SLC24A2: variants seen among roughly 807,000 people sequenced by gnomAD.
SLC24A2 encodes the protein sodium/potassium/calcium exchanger 2.
In SLC24A2, 36 loss-of-function variants were observed where a neutral mutation model predicts 62.0. That is an observed-to-expected ratio of 0.58 (90% CI 0.44 to 0.77). The LOEUF (loss-of-function observed/expected upper bound fraction) is 0.77, where lower values mean the gene tolerates loss of function less well. SLC24A2 is among the 30% of genes least tolerant of loss of function. SLC24A2 has a pLI of 0.00. For synonymous variants in SLC24A2, 358 were observed against 294.0 expected (o/e 1.22, Z -2.23); for missense variants, 846 against 817.9 (o/e 1.03, Z -0.42).
chr9:20,293,829 T>C, the SLC24A2 span, among the ~76,000 whole-genome samples: 6 of 152,152 alleles, frequency 3.9e-5, no homozygotes, highest in African/African-American at 1.2e-4. Context: ...TTTAGTACAA[T>C]GTCCACTCCC....
Position 19,561,700 on chromosome 9 carries a change from G to A in SLC24A2, c.1348-11432C>T, listed in dbSNP as rs192244171. Among the ~76,000 whole-genome samples, 45 of 152,264 alleles carry A rather than the reference G, an allele frequency of 3.0e-4. No individual in the cohort carries two copies. In the Middle Eastern group the frequency reaches 0.017, roughly 58 times the overall value. ...CTGCCTCGGCCTCCCAAAGTGCTGG[G>A]ATTACAGGCGTGAGCCACTGCTCCT... is the stretch of plus-strand genomic sequence containing the variant. On this transcript the variant is annotated intron_variant, in intron 7 of 10. Transcript: ENST00000341998.
the SLC24A2 span, among the ~76,000 whole-genome samples, chr9:20,127,371 A>G: frequency 3.9e-5 from 6 of 152,170 alleles, no homozygotes; most frequent in African/African-American, 1.2e-4. Flanking sequence ...TCATTTTTAT[A>G]TTAAGGCAAT....
At chr9:19,587,613 C>G (rs1437356323) in intron 5 of SLC24A2, among the ~76,000 whole-genome samples, 1 of 151,924 alleles carries the variant, frequency 6.6e-6, no homozygotes, top group African/African-American at 2.4e-5. Flanking sequence ...ACTTACCATG[C>G]CTAATTGAAC....
At chr9:19,975,608 T>C in the SLC24A2 span, among the ~76,000 whole-genome samples, 1 of 152,244 alleles carries the variant, frequency 6.6e-6, no homozygotes, top group Non-Finnish European at 1.5e-5. Context: ...GCCAGGCGTA[T>C]AGTAGGCATC....
intron 1 of SLC24A2, among the ~76,000 whole-genome samples, chr9:19,787,389 C>T (rs1564102075): frequency 6.6e-6 from 1 of 152,176 alleles, no homozygotes; most frequent in Non-Finnish European, 1.5e-5. Flanking sequence ...CATGTAATAA[C>T]CTTCCAGTGC....
chr9:19,921,080 G>C, the SLC24A2 span, among the ~76,000 whole-genome samples: 1 of 131,178 alleles, frequency 7.6e-6, no homozygotes, highest in Admixed American at 8.2e-5. Flanking sequence ...AATTATTATG[G>C]GGGGGGGGTG....
intron 2 of SLC24A2, among the ~76,000 whole-genome samples, chr9:19,703,318 G>A (rs1206490755): frequency 6.6e-6 from 1 of 152,136 alleles, no homozygotes; most frequent in Non-Finnish European, 1.5e-5. Flanking sequence ...TGGCAGAGCT[G>A]GGCTTCAAAC....
intron 7 of SLC24A2, among the ~76,000 whole-genome samples, chr9:19,559,683 T>C (rs1254758715): frequency 1.3e-5 from 2 of 152,170 alleles, no homozygotes; most frequent in African/African-American, 2.4e-5. Flanking sequence ...AAACATTCCA[T>C]AGAACACTCT....
the SLC24A2 span, among the ~76,000 whole-genome samples, chr9:20,006,119 G>A: frequency 1.3e-5 from 2 of 151,312 alleles, no homozygotes; most frequent in Non-Finnish European, 2.9e-5. Flanking sequence ...TATACACATA[G>A]TATGTTAATT....
At chr9:20,110,169 A>G in the SLC24A2 span, among the ~76,000 whole-genome samples, 1 of 152,168 alleles carries the variant, frequency 6.6e-6, no homozygotes, top group African/African-American at 2.4e-5. Flanking sequence ...TGGCTTTAAA[A>G]ATGAGCCCTC....
the SLC24A2 span, among the ~76,000 whole-genome samples, chr9:20,248,221 C>T: frequency 1.3e-5 from 2 of 152,128 alleles, no homozygotes; most frequent in Non-Finnish European, 2.9e-5. Flanking sequence ...GCAAGGAACC[C>T]GTATGGGAGC....
At chr9:20,186,206 T>G in the SLC24A2 span, among the ~76,000 whole-genome samples, 7 of 152,166 alleles carry the variant, frequency 4.6e-5, no homozygotes, top group Non-Finnish European at 1.0e-4. Context: ...TCTTGAAAAT[T>G]TGATGTCCAC....
chr9:20,214,195 C>T, the SLC24A2 span, among the ~76,000 whole-genome samples: 1 of 152,122 alleles, frequency 6.6e-6, no homozygotes, highest in African/African-American at 2.4e-5. Flanking sequence ...AGAGTGGCAT[C>T]GTGAGGCGAT....
At chr9:19,760,093 C>T (rs1457168034) in intron 2 of SLC24A2, among the ~76,000 whole-genome samples, 15 of 152,114 alleles carry the variant, frequency 9.9e-5, no homozygotes, top group Non-Finnish European at 7.3e-5. Context: ...TCTGTTGCCT[C>T]CTATTTTATT....
the SLC24A2 span, among the ~76,000 whole-genome samples, chr9:20,080,166 C>T: frequency 6.6e-6 from 1 of 152,286 alleles, no homozygotes; most frequent in Admixed American, 6.5e-5. Flanking sequence ...CCTGCATTGC[C>T]AAGTCAATCC....
chr9:20,079,904 G>T, the SLC24A2 span, among the ~76,000 whole-genome samples: 1 of 152,086 alleles, frequency 6.6e-6, no homozygotes, highest in African/African-American at 2.4e-5. Context: ...AAATACCTAG[G>T]AACACAACTT....
In SLC24A2 at chr9:19,546,805, C is replaced by CT. The variant is rs758828941; in HGVS notation, c.1479+3331dup. On this transcript the variant is annotated intron_variant, in intron 8 of 10. Coordinates refer to ENST00000341998, the MANE Select transcript of SLC24A2 (RefSeq NM_020344.4). Reference sequence around the variant, plus strand: ...GCCCAAATGGCTACTCAGTTTTGTGCTTGAAACCCAGGACACTGGAGGGTA... The same window carrying CT: ...GCCCAAATGGCTACTCAGTTTTGTGCTTTGAAACCCAGGACACTGGAGGGTA... Among the ~76,000 whole-genome samples the CT allele has an allele frequency of 1.1e-4, 16 of 151,854 alleles. 1 individual carries two copies. The East Asian group carries it at 1.4e-3, about 13-fold the overall frequency.
At chr9:20,264,962 C>T in the SLC24A2 span, among the ~76,000 whole-genome samples, 1 of 152,222 alleles carries the variant, frequency 6.6e-6, no homozygotes, top group Non-Finnish European at 1.5e-5. Flanking sequence ...GCAATGAGCA[C>T]AGAGGCCTAT....
At chr9:19,583,490 G>A (rs924925835) in intron 5 of SLC24A2, among the ~76,000 whole-genome samples, 2 of 152,198 alleles carry the variant, frequency 1.3e-5, no homozygotes, top group African/African-American at 4.8e-5. Context: ...AAAGGGCAAG[G>A]TTTTTCACTG....
Sources: gnomAD v4.1 joint callset for allele counts (sites outside exome capture counted in the v4.1 genomes callset) on GRCh38, gnomAD v4.1.1 for gene constraint, MANE v1.5 for transcripts, NCBI Gene and HGNC (gene_info 2026-07-23, HGNC 2026-07-21) for gene names.